MYOM3: variants seen among roughly 807,000 people sequenced by gnomAD.
MYOM3 encodes myomesin 3.
A neutral mutation model predicts 191.7 loss-of-function variants in MYOM3; 155 were observed. That is an observed-to-expected ratio of 0.81 (90% CI 0.71 to 0.92). MYOM3 has a LOEUF of 0.92. MYOM3 is among the 40% of genes least tolerant of loss of function. MYOM3 has a pLI of 0.00. For synonymous variants in MYOM3, 757 were observed against 762.9 expected (o/e 0.99, Z 0.13); for missense variants, 1,889 against 1,890.6 (o/e 1.00, Z 0.02).
At chr1:24,081,222 C>T in intron 19 of MYOM3, 108 bp downstream of exon 19, 1 of 1,406,548 alleles carries the variant, frequency 7.1e-7, no homozygotes, top group Non-Finnish European at 9.7e-7. Flanking sequence ...GCAGGACAAA[C>T]AGTGCAAGCC....
At position 24,065,845 on chromosome 1, in the gene MYOM3, T is replaced by C. The variant is rs779780413; in HGVS notation, c.3534+46A>G. On this transcript the variant is annotated intron_variant, in intron 29 of 36. Coordinates refer to ENST00000374434, the MANE Select transcript of MYOM3 (RefSeq NM_152372.4). The stretch of plus-strand genomic sequence containing the variant: ...CCAGAGCTCTTGGCCCTCCCTGGCT[T>C]GCAGCCAAAGGAGAAAGTGAGCCCT... 3 of 1,415,886 alleles carry C rather than the reference T, an allele frequency of 2.1e-6. No homozygotes were observed. The South Asian group carries it at 3.4e-5, about 16-fold the overall frequency. 87.7% of individuals were successfully genotyped at this position (1,415,886 alleles called of 1,614,324 possible).
rs745871247 is a variant in MYOM3, at chr1:24,067,078, A to G, written c.3366T>C (p.Phe1122=). Residue 1122 remains phenylalanine, a synonymous_variant, in exon 28 of 37, where the codon TTT becomes TTC. Coordinates refer to ENST00000374434, the MANE Select transcript of MYOM3 (RefSeq NM_152372.4). ...RDWKRKQGPY[F]ERPLQWKVTE... The stretch of plus-strand genomic sequence containing the variant: ...TGACCTTCCACTGCAACGGCCGCTC[A>G]AAATAGGGACCTGTGCGTGCAAAAC... 6.3e-7 allele frequency: 1 copy of G among 1,575,046 alleles called. No individual in the cohort carries two copies. Among genetic ancestry groups the G allele is most frequent in the Non-Finnish European group, 8.6e-7 (1 of 1,158,012 alleles).
rs998634157 is a variant in MYOM3 at position 24,063,888 on chromosome 1, G to A, written c.3622+184C>T. 4.6e-5 allele frequency among the ~76,000 whole-genome samples: 7 copies of A among 152,120 alleles called. No homozygotes were observed. Among genetic ancestry groups the A allele is most frequent in the South Asian group, 2.1e-4 (1 of 4,830 alleles). On this transcript the variant is annotated intron_variant, in intron 30 of 36. Transcript: ENST00000374434. The surrounding 1 kb of genome is among the most constrained non-coding windows in gnomAD (Gnocchi z 4.5). ...GTATACTGTGGTGAACGAGGGCATC[G>A]GAGTCACACCGACCTGGCTCCTGCC...
At chr1:24,106,516 C>T (rs12062136) in intron 4 of MYOM3, among the ~76,000 whole-genome samples, 60 of 152,086 alleles carry the variant, frequency 3.9e-4, no homozygotes, top group African/African-American at 1.4e-3. Context: ...ACTTTCCAAA[C>T]CCAGTCTCCT....
chr1:24,058,091 G>A (rs746218691), intron 36 of MYOM3, among the ~76,000 whole-genome samples: 1 of 152,190 alleles, frequency 6.6e-6, no homozygotes, highest in Non-Finnish European at 1.5e-5. Flanking sequence ...ACAGGCGTGA[G>A]CCACTGTGCC....
At chr1:24,080,326 G>A in intron 19 of MYOM3, 132 bp from the exon 20 acceptor site, 1 of 702,192 alleles carries the variant, frequency 1.4e-6, no homozygotes, top group Non-Finnish European at 2.2e-6. Flanking sequence ...GGAAGGGCCT[G>A]TTCTGGGTGT....
intron 14 of MYOM3, 77 bp downstream of exon 14, chr1:24,089,461 C>CA: frequency 1.3e-6 from 2 of 1,489,382 alleles, no homozygotes; most frequent in Non-Finnish European, 1.8e-6. Context: ...ACGGCCTCCC[C>CA]AGGGGACACT....
In MYOM3 at chr1:24,077,441, C is replaced by T. The variant is rs187670088; in HGVS notation, c.2587-1168G>A. ...CTCAGTATCCCCACATCCATCACGC[C>T]ATTTCACACCTCCCTGCCTTTGCCC... On this transcript the variant is annotated intron_variant, in intron 20 of 36. Transcript: ENST00000374434. Among the ~76,000 whole-genome samples, 49 of 152,324 alleles carry T rather than the reference C, an allele frequency of 3.2e-4. No homozygotes were observed. In the East Asian group the frequency reaches 7.9e-3, roughly 25 times the overall value.
Position 24,082,614 on chromosome 1 carries a change from T to C in MYOM3, c.2071A>G (p.Ile691Val). Residue 691 changes from isoleucine to valine, a missense_variant, in exon 17 of 37, where the codon ATC becomes GTC. By Grantham distance (29) the Ile-to-Val change is conservative (BLOSUM62 3). Transcript: ENST00000374434. ...TCACCCAGAGCCTGCTTGACCCTGATGGGCTCGGTGGCGGCTGAGCTCTCG... is the reference window on the plus strand; with the variant it reads ...TCACCCAGAGCCTGCTTGACCCTGACGGGCTCGGTGGCGGCTGAGCTCTCG... Reference protein sequence around the residue: ...VGESSAATEPIRVKQALATPS... With the variant: ...VGESSAATEPVRVKQALATPS... 1 of 1,610,212 alleles carries C rather than the reference T, an allele frequency of 6.2e-7. No individual in the cohort carries two copies. The highest frequency in any genetic ancestry group is 1.1e-5 in the South Asian group (1 of 90,392).
intron 11 of MYOM3, among the ~76,000 whole-genome samples, chr1:24,091,252 A>G (rs1417991632): frequency 6.6e-6 from 1 of 152,108 alleles, no homozygotes; most frequent in Non-Finnish European, 1.5e-5. Context: ...TGTGCCCTCC[A>G]CACCCAGCCC....
chr1:24,067,185 G>C (rs774427386), intron 27 of MYOM3, 97 bp from the exon 28 acceptor site: 14 of 1,210,906 alleles, frequency 1.2e-5, no homozygotes, highest in Admixed American at 4.1e-5. Context: ...GACAGCTAAT[G>C]GCTATGGACT....
At position 24,066,974 on chromosome 1, in the gene MYOM3, C is replaced by T. The variant is rs1412548492; in HGVS notation, c.3423+47G>A. ...AGCAACTGGGCTTGGGGACAAGCCACAGGTCCCCCTGCACTGGGCCTGGGG... is the reference window on the plus strand; with the variant it reads ...AGCAACTGGGCTTGGGGACAAGCCATAGGTCCCCCTGCACTGGGCCTGGGG... On this transcript the variant is annotated intron_variant, in intron 28 of 36. Coordinates refer to ENST00000374434, the MANE Select transcript of MYOM3 (RefSeq NM_152372.4). The T allele has an allele frequency of 2.0e-6, 3 of 1,518,986 alleles. No individual in the cohort carries two copies. In the South Asian group the frequency reaches 3.7e-5, roughly 19 times the overall value. 94.1% of individuals were successfully genotyped at this position (1,518,986 alleles called of 1,614,324 possible). A position where few individuals can be genotyped will look rare whatever the true frequency, so the allele number is the denominator to read the frequency against.
chr1:24,090,702 G>A (rs1319535194), intron 12 of MYOM3, 95 bp downstream of exon 12: 3 of 1,270,566 alleles, frequency 2.4e-6, no homozygotes, highest in Non-Finnish European at 3.4e-6. Flanking sequence ...CACCAGACTC[G>A]GGGCTCCTGA....
intron 7 of MYOM3, among the ~76,000 whole-genome samples, chr1:24,096,598 G>A (rs1015757346): frequency 6.6e-6 from 1 of 152,226 alleles, no homozygotes; most frequent in African/African-American, 2.4e-5. Flanking sequence ...AGGACAGTGG[G>A]TGGAGAGGGC....
chr1:24,092,321 A>G lies in MYOM3; in HGVS notation c.1091-6T>C. On this transcript the variant is annotated splice_region_variant and splice_polypyrimidine_tract_variant and intron_variant, in intron 10 of 36. Coordinates refer to ENST00000374434, the MANE Select transcript of MYOM3 (RefSeq NM_152372.4). ...GGGGTTCTCGGCCTCGGCATCTGAA[A>G]CCCGGGGGTGAGAGGGAGGCCCTTC... 7.4e-7 allele frequency: 1 copy of G among 1,347,268 alleles called. No individual in the cohort carries two copies. Among genetic ancestry groups the G allele is most frequent in the Admixed American group, 2.9e-5 (1 of 33,912 alleles). 83.5% of individuals were successfully genotyped at this position (1,347,268 alleles called of 1,614,324 possible). A position where few individuals can be genotyped will look rare whatever the true frequency, so the allele number is the denominator to read the frequency against.
rs192299609 is a variant in MYOM3, at chr1:24,057,396, C to G, written c.4282G>C (p.Gly1428Arg). ...GQVTISVFKH[G>R]DEPKELKSM ...CTCTTCAGCTCCTTGGGCTCGTCCCCGTGCTTGAACACACTGATGGTGACC... is the reference window on the plus strand; with the variant it reads ...CTCTTCAGCTCCTTGGGCTCGTCCCGGTGCTTGAACACACTGATGGTGACC... The change falls in exon 37 of 37, where the codon GGG becomes CGG. Residue 1428 changes from glycine (G) to arginine (R), a missense_variant. Physicochemically the swap from Gly to Arg is moderately radical, Grantham distance 125 (BLOSUM62 -2). Coordinates refer to ENST00000374434, the MANE Select transcript of MYOM3 (RefSeq NM_152372.4). 2.5e-6 allele frequency: 4 copies of G among 1,613,992 alleles called. No individual in the cohort carries two copies. The highest frequency in any genetic ancestry group is 3.4e-6 in the Non-Finnish European group (4 of 1,180,040).
chr1:24,074,701 G>A (rs1643575023), intron 22 of MYOM3, among the ~76,000 whole-genome samples: 1 of 152,238 alleles, frequency 6.6e-6, no homozygotes, highest in Non-Finnish European at 1.5e-5. Context: ...CTGGCAGCCA[G>A]GCTAGAATCC....
At position 24,092,221 on chromosome 1, in the gene MYOM3, C is replaced by G; in HGVS notation, c.1185G>C (p.Pro395=). 1 of 1,446,670 alleles carries G rather than the reference C, an allele frequency of 6.9e-7. No homozygotes were observed. Among genetic ancestry groups the G allele is most frequent in the Admixed American group, 2.5e-5 (1 of 40,456 alleles). 89.6% of individuals were successfully genotyped at this position (1,446,670 alleles called of 1,614,324 possible). A position where few individuals can be genotyped will look rare whatever the true frequency, so the allele number is the denominator to read the frequency against. ...NRDCLILTWA[P]PSDTRGNPIT... Reference sequence around the variant, plus strand: ...TGGGGTTGCCCCGGGTGTCACTGGGCGGGGCCCAAGTCAGGATGAGGCAGT... The same window carrying G: ...TGGGGTTGCCCCGGGTGTCACTGGGGGGGGCCCAAGTCAGGATGAGGCAGT... Residue 395 remains proline (P), a synonymous_variant, in exon 11 of 37, where the codon CCG becomes CCC. Transcript: ENST00000374434.
At chr1:24,083,451 G>T in intron 16 of MYOM3, 1 of 152,908 alleles carries the variant, frequency 6.5e-6, no homozygotes, top group South Asian at 1.9e-4. Context: ...CTACTTTTGA[G>T]GTTTTGGGAC....
Sources: allele counts gnomAD v4.1 joint callset (sites outside exome capture counted in the v4.1 genomes callset), GRCh38; gene constraint gnomAD v4.1.1; non-coding constraint Gnocchi (gnomAD v3.1); transcripts MANE v1.5; gene names NCBI Gene and HGNC (gene_info 2026-07-23, HGNC 2026-07-21).